DEPDC1: variants seen among roughly 807,000 people sequenced by gnomAD.
The protein encoded by DEPDC1 is DEP domain containing 1, also known as DEP domain-containing protein 1A.
In DEPDC1, 66 loss-of-function variants were observed where a neutral mutation model predicts 86.8. The observed-to-expected ratio is 0.76, with a 90% CI of 0.62 to 0.93. The LOEUF is 0.93. DEPDC1 is among the 40% of genes least tolerant of loss of function. The pLI, the probability that DEPDC1 is intolerant of heterozygous loss-of-function variation, is 0.00. For missense variants in DEPDC1, 792 were observed against 935.7 expected (o/e 0.85, Z 2.00); for synonymous variants, 255 against 314.9 (o/e 0.81, Z 2.02).
At chr1:68,487,512 G>T (rs1042906562) in intron 5 of DEPDC1, among the ~76,000 whole-genome samples, 1 of 151,798 alleles carries the variant, frequency 6.6e-6, no homozygotes, top group East Asian at 1.9e-4. Flanking sequence ...TTTACACAGG[G>T]TTACAAAGAA....
At position 68,476,032 on chromosome 1, in the gene DEPDC1, A is replaced by G. The variant is rs1646112742; in HGVS notation, c.*900T>C. The G allele has an allele frequency of 1.3e-5, 2 of 151,848 alleles. No individual in the cohort carries two copies. Among genetic ancestry groups the G allele is most frequent in the South Asian group, 2.1e-4 (1 of 4,826 alleles). 9.4% of individuals were successfully genotyped at this position (151,848 alleles called of 1,614,324 possible). On this transcript the variant is annotated 3_prime_UTR_variant, in exon 12 of 12. Coordinates refer to ENST00000456315, the MANE Select transcript of DEPDC1 (RefSeq NM_001114120.3). Reference sequence around the variant, plus strand: ...AACCACTAGCTTAGAGACCTGTTCCATCATCATAGAAGTCACTCTTTAGCT... The same window carrying G: ...AACCACTAGCTTAGAGACCTGTTCCGTCATCATAGAAGTCACTCTTTAGCT...
rs185761375 is a variant in DEPDC1 at position 68,476,389 on chromosome 1, A to G, written c.*543T>C. 5.7e-4 allele frequency: 87 copies of G among 152,006 alleles called. No homozygotes were observed. Among genetic ancestry groups the G allele is most frequent in the African/African-American group, 2.0e-3 (83 of 41,564 alleles). 9.4% of individuals were successfully genotyped at this position (152,006 alleles called of 1,614,324 possible). A position where few individuals can be genotyped will look rare whatever the true frequency, so the allele number is the denominator to read the frequency against. On this transcript the variant is annotated 3_prime_UTR_variant, in exon 12 of 12. Coordinates refer to ENST00000456315, the MANE Select transcript of DEPDC1 (RefSeq NM_001114120.3). ...GGCAAAACCAAATCTGATAAAATATACACATATTTTAAAAACACATACATA... is the reference window on the plus strand; with the variant it reads ...GGCAAAACCAAATCTGATAAAATATGCACATATTTTAAAAACACATACATA...
intron 2 of DEPDC1, among the ~76,000 whole-genome samples, chr1:68,493,031 A>C (rs1646239847): frequency 6.6e-6 from 1 of 152,168 alleles, no homozygotes; most frequent in African/African-American, 2.4e-5. Context: ...TGAAAGTCTT[A>C]AGAAAAGTAG....
At position 68,481,629 on chromosome 1, in the gene DEPDC1, C is replaced by A; in HGVS notation, c.1763-17G>T. The A allele has an allele frequency of 6.8e-7, 1 of 1,470,008 alleles. No individual in the cohort carries two copies. Among genetic ancestry groups the A allele is most frequent in the South Asian group, 1.2e-5 (1 of 82,872 alleles). 91.1% of individuals were successfully genotyped at this position (1,470,008 alleles called of 1,614,324 possible). Reference sequence around the variant, plus strand: ...GCAGCAAGCCTAGAATACAAAAATACCCCCCCAAAAATCATCAATGACACT... The same window carrying A: ...GCAGCAAGCCTAGAATACAAAAATAACCCCCCAAAAATCATCAATGACACT... On this transcript the variant is annotated splice_polypyrimidine_tract_variant and intron_variant, in intron 8 of 11. Coordinates refer to ENST00000456315, the MANE Select transcript of DEPDC1 (RefSeq NM_001114120.3).
At chr1:68,495,824 T>C (rs1472176723) in intron 1 of DEPDC1, among the ~76,000 whole-genome samples, 2 of 152,208 alleles carry the variant, frequency 1.3e-5, no homozygotes, top group African/African-American at 4.8e-5. Context: ...AATGGGCTTA[T>C]TGGAATGATA....
Position 68,484,072 on chromosome 1 carries a change from A to G in DEPDC1, c.788T>C (p.Met263Thr), listed in dbSNP as rs370157932. 3 of 1,572,854 alleles carry G rather than the reference A, an allele frequency of 1.9e-6. No homozygotes were observed. Residue 263 changes from methionine (M) to threonine (T), a missense_variant, in exon 7 of 12, where the codon ATG becomes ACG. Transcript: ENST00000456315. ...CLANWPRSND[M>T]NNPTYVGFER... ...AAATCCAACATAAGTTGGATTATTCATATCATTGCTTCTTGGCCCTAAGAA... is the reference window on the plus strand; with the variant it reads ...AAATCCAACATAAGTTGGATTATTCGTATCATTGCTTCTTGGCCCTAAGAA...
chr1:68,481,341 T>G, intron 9 of DEPDC1, 99 bp downstream of exon 9: 1 of 1,093,804 alleles, frequency 9.1e-7, no homozygotes, highest in Non-Finnish European at 1.3e-6. Flanking sequence ...TCTAGCACTT[T>G]AAGACTAAGA....
chr1:68,482,007 C>A (rs2100250310), intron 8 of DEPDC1, 39 bp downstream of exon 8: 1 of 1,513,644 alleles, frequency 6.6e-7, no homozygotes, highest in South Asian at 1.4e-5. Context: ...AGTAAACACT[C>A]AAAGTTAATA....
Position 68,476,938 on chromosome 1 carries a change from T to C in DEPDC1, c.2430A>G (p.Leu810=), listed in dbSNP as rs745563506. Residue 810 remains leucine, a synonymous_variant, in exon 12 of 12, where the codon CTA becomes CTG. Transcript: ENST00000456315. ...TAATTTTTAATTCAGTTAGTTATCT[T>C]AGACTACGGAACTTTGGTTTTCTTA... ...LILRKPKFRS[L]R 5 of 1,591,326 alleles carry C rather than the reference T, an allele frequency of 3.1e-6. No homozygotes were observed. The highest frequency in any genetic ancestry group is 4.3e-6 in the Non-Finnish European group (5 of 1,169,392).
intron 11 of DEPDC1, among the ~76,000 whole-genome samples, chr1:68,477,435 G>A (rs1482205103): frequency 6.6e-6 from 1 of 151,574 alleles, no homozygotes; most frequent in Admixed American, 6.6e-5. Flanking sequence ...GGCTTTCAGA[G>A]CTAAAAATTC....
intron 2 of DEPDC1, among the ~76,000 whole-genome samples, chr1:68,491,335 A>T (rs1193101832): frequency 6.6e-6 from 1 of 152,188 alleles, no homozygotes; most frequent in East Asian, 1.9e-4. Context: ...TTTAAAAGCA[A>T]CTCCATTAAA....
intron 1 of DEPDC1, among the ~76,000 whole-genome samples, chr1:68,494,926 G>A (rs530009111): frequency 2.6e-5 from 4 of 152,120 alleles, no homozygotes; most frequent in Admixed American, 6.5e-5. Flanking sequence ...GTGGATCACC[G>A]GAGGTCGGGA....
chr1:68,484,937 C>CATATATAT (rs71581173), intron 6 of DEPDC1, among the ~76,000 whole-genome samples: 10,199 of 147,644 alleles, frequency 0.069, 474 homozygotes, highest in Non-Finnish European at 0.11. Flanking sequence ...CTTCTGGAGG[C>CATATATAT]ATATATATAT....
chr1:68,479,804 C>T (rs544720305), intron 9 of DEPDC1, among the ~76,000 whole-genome samples: 1 of 141,696 alleles, frequency 7.1e-6, no homozygotes, highest in East Asian at 2.0e-4. Context: ...TCCTGTGTAA[C>T]CAGAAAAAAA....
In DEPDC1 at chr1:68,479,129, A is replaced by G. The variant is rs759468415; in HGVS notation, c.2112+15T>C. On this transcript the variant is annotated intron_variant, in intron 10 of 11. Transcript: ENST00000456315. ...ACTGACTATTGCAGAGAATTTTAAG[A>G]CTCACAATACTTACATGTCCCTTTT... 11 of 1,586,498 alleles carry G rather than the reference A, an allele frequency of 6.9e-6. No individual in the cohort carries two copies. Among genetic ancestry groups the G allele is most frequent in the Non-Finnish European group, 9.4e-6 (11 of 1,168,024 alleles).
chr1:68,476,422 A>C lies in DEPDC1; in HGVS notation c.*510T>G, dbSNP rs1448531528. 6.6e-6 allele frequency: 1 copy of C among 151,866 alleles called. No homozygotes were observed. The highest frequency in any genetic ancestry group is 1.5e-5 in the Non-Finnish European group (1 of 67,812). 9.4% of individuals were successfully genotyped at this position (151,866 alleles called of 1,614,324 possible). ...TTTAAAAACACATACATATATATAA[A>C]TAGATCAAAAGTGGAAAAAGAATAT... On this transcript the variant is annotated 3_prime_UTR_variant, in exon 12 of 12. Coordinates refer to ENST00000456315, the MANE Select transcript of DEPDC1 (RefSeq NM_001114120.3).
intron 4 of DEPDC1, 132 bp from the exon 5 acceptor site, chr1:68,488,636 C>T: frequency 1.3e-6 from 1 of 740,930 alleles, no homozygotes; most frequent in South Asian, 2.0e-5. Flanking sequence ...TTAGTATCCC[C>T]TTTCAAATAC....
intron 1 of DEPDC1, among the ~76,000 whole-genome samples, chr1:68,495,572 C>T (rs1646259323): frequency 6.6e-6 from 1 of 152,172 alleles, no homozygotes; most frequent in Admixed American, 6.5e-5. Flanking sequence ...TCACTCTGTA[C>T]TGGCCTGAGG....
At position 68,496,833 on chromosome 1, in the gene DEPDC1, G is replaced by A; in HGVS notation, c.48+119C>T. Reference sequence around the variant, plus strand: ...CTCGCCAGCCTTTTCACTGAACCTAGGGATCCTGGGACTCATCCCTCCGAC... The same window carrying A: ...CTCGCCAGCCTTTTCACTGAACCTAAGGATCCTGGGACTCATCCCTCCGAC... On this transcript the variant is annotated intron_variant, in intron 1 of 11. Transcript: ENST00000456315. This position sits in a 1 kb window ranked among gnomAD's most constrained non-coding sequence, Gnocchi z 4.0. The A allele has an allele frequency of 3.1e-6, 3 of 964,574 alleles. No homozygotes were observed. Among genetic ancestry groups the A allele is most frequent in the Non-Finnish European group, 4.8e-6 (3 of 627,392 alleles). 59.8% of individuals were successfully genotyped at this position (964,574 alleles called of 1,614,324 possible).
Sources: gnomAD v4.1 joint callset for allele counts (sites outside exome capture counted in the v4.1 genomes callset) on GRCh38, gnomAD v4.1.1 for gene constraint, Gnocchi (gnomAD v3.1) non-coding constraint, MANE v1.5 for transcripts, NCBI Gene and HGNC (gene_info 2026-07-23, HGNC 2026-07-21) for gene names.